Variants in LIN7A observed in about 807,000 individuals in gnomAD.
The protein encoded by LIN7A is protein lin-7 homolog A.
In LIN7A, 25 loss-of-function variants were observed where a neutral mutation model predicts 29.8. That is an observed-to-expected ratio of 0.84 (90% CI 0.61 to 1.17). The LOEUF is 1.17. Among genes scored for constraint, LIN7A ranks in the 50% most tolerant of loss-of-function variants. LIN7A has a pLI of 0.00. For synonymous variants in LIN7A, 118 were observed against 107.5 expected, an observed-to-expected ratio of 1.10 and a Z score of -0.60; for missense variants, 239 against 287.0, an observed-to-expected ratio of 0.83 and a Z score of 1.21.
chr12:80,896,745 C>T (rs545525273), intron 1 of LIN7A, among the ~76,000 whole-genome samples: 1 of 152,290 alleles, frequency 6.6e-6, no homozygotes, highest in South Asian at 2.1e-4. Context: ...TTTGGGACAA[C>T]ACTGAAGTGT....
chr12:80,879,380 ATTTG>A (rs1416550331), intron 2 of LIN7A, among the ~76,000 whole-genome samples: 1 of 152,092 alleles, frequency 6.6e-6, no homozygotes. Context: ...TCATTTATTT[ATTTG>A]TTTGCATTTG....
intron 2 of LIN7A, among the ~76,000 whole-genome samples, chr12:80,869,896 T>C (rs527910175): frequency 1.3e-5 from 2 of 152,292 alleles, no homozygotes; most frequent in East Asian, 3.9e-4. Context: ...ATACAAAATA[T>C]AAAATTATAG....
At position 80,794,819 on chromosome 12, in the gene LIN7A, C is replaced by T. The variant is rs1404543912; in HGVS notation, c.*2908G>A. ...GTAACTTAAGCTCATTATCTCCCTGCAGATGTTCTATTTCAAATGACAACA... is the reference window on the plus strand; with the variant it reads ...GTAACTTAAGCTCATTATCTCCCTGTAGATGTTCTATTTCAAATGACAACA... On this transcript the variant is annotated 3_prime_UTR_variant, in exon 6 of 6. Coordinates refer to ENST00000552864, the MANE Select transcript of LIN7A (RefSeq NM_004664.4). 6.6e-6 allele frequency: 1 copy of T among 152,132 alleles called. No homozygotes were observed. The highest frequency in any genetic ancestry group is 2.4e-5 in the African/African-American group (1 of 41,446). The allele number at this position is 152,132 out of a possible 1,614,324, so 9.4% of individuals were successfully genotyped here.
intron 1 of LIN7A, among the ~76,000 whole-genome samples, chr12:80,910,112 A>T (rs1300564738): frequency 1.3e-5 from 2 of 152,176 alleles, no homozygotes; most frequent in Non-Finnish European, 2.9e-5. Flanking sequence ...ATATTGTGTT[A>T]AATCTGACTC....
intron 1 of LIN7A, among the ~76,000 whole-genome samples, chr12:80,914,772 G>A (rs1192629480): frequency 6.6e-6 from 1 of 152,148 alleles, no homozygotes; most frequent in Non-Finnish European, 1.5e-5. Context: ...TCAGGATTGT[G>A]GCTCATGCCT....
chr12:80,820,331 A>G (rs907350176), intron 4 of LIN7A, among the ~76,000 whole-genome samples: 3 of 152,224 alleles, frequency 2.0e-5, no homozygotes, highest in African/African-American at 7.2e-5. Flanking sequence ...GCAGTTAGAA[A>G]TAGAAGAATT....
At chr12:80,858,637 A>G (rs1288391341) in intron 2 of LIN7A, among the ~76,000 whole-genome samples, 2 of 151,804 alleles carry the variant, frequency 1.3e-5, no homozygotes, top group African/African-American at 4.8e-5. Context: ...GGAAGATGTC[A>G]TTTTCAATTA....
chr12:80,827,231 C>CA (rs1249583230), intron 4 of LIN7A, among the ~76,000 whole-genome samples: 1 of 151,800 alleles, frequency 6.6e-6, no homozygotes, highest in Non-Finnish European at 1.5e-5. Context: ...ACTAAAAATA[C>CA]AAAAAATTAG....
chr12:80,934,043 C>T (rs1032681662), intron 1 of LIN7A, among the ~76,000 whole-genome samples: 1 of 152,148 alleles, frequency 6.6e-6, no homozygotes, highest in African/African-American at 2.4e-5. Context: ...TAAGCCCTTA[C>T]TTATCATCCA....
intron 5 of LIN7A, among the ~76,000 whole-genome samples, chr12:80,802,706 C>A (rs1281642011): frequency 6.7e-6 from 1 of 150,362 alleles, no homozygotes; most frequent in Non-Finnish European, 1.5e-5. Context: ...CACTATGTTG[C>A]CTAGGGTGGA....
chr12:80,804,399 T>C lies in LIN7A; in HGVS notation c.*1-6673A>G, dbSNP rs116897998. 3.3e-3 allele frequency among the ~76,000 whole-genome samples: 499 copies of C among 151,190 alleles called. 26 individuals are homozygous for C. The East Asian group carries it at 0.085, about 26-fold the overall frequency. On this transcript the variant is annotated intron_variant, in intron 5 of 5. Coordinates refer to ENST00000552864, the MANE Select transcript of LIN7A (RefSeq NM_004664.4). ...TATCCTTCCCAGCCTCTGGTAACCATCCTTCTACCCTCTATCTCCATGGGC... is the reference window on the plus strand; with the variant it reads ...TATCCTTCCCAGCCTCTGGTAACCACCCTTCTACCCTCTATCTCCATGGGC...
At chr12:80,932,733 A>C (rs1051313019) in intron 1 of LIN7A, among the ~76,000 whole-genome samples, 17 of 152,214 alleles carry the variant, frequency 1.1e-4, no homozygotes, top group Admixed American at 1.3e-4. Flanking sequence ...TGACCTTGAG[A>C]TGAAAAGTGA....
At chr12:80,837,519 G>A (rs1053308219) in intron 4 of LIN7A, among the ~76,000 whole-genome samples, 3 of 152,040 alleles carry the variant, frequency 2.0e-5, no homozygotes, top group African/African-American at 7.2e-5. Context: ...GAAGCTGAAG[G>A]GAGCAAGGAA....
chr12:80,851,706 T>C (rs1365300443), intron 2 of LIN7A, among the ~76,000 whole-genome samples: 2 of 152,142 alleles, frequency 1.3e-5, no homozygotes, highest in African/African-American at 2.4e-5. Context: ...ACGTGGGGCT[T>C]ATAGACTCCT....
At chr12:80,801,846 C>T (rs1870735707) in intron 5 of LIN7A, among the ~76,000 whole-genome samples, 1 of 151,856 alleles carries the variant, frequency 6.6e-6, no homozygotes, top group Admixed American at 6.6e-5. Flanking sequence ...GATCACCCTT[C>T]TCCTCTACCT....
chr12:80,884,577 C>G (rs141485563), intron 2 of LIN7A, among the ~76,000 whole-genome samples: 153 of 152,242 alleles, frequency 1.0e-3, no homozygotes, highest in African/African-American at 3.4e-3. Context: ...TTCTTCCACT[C>G]ACATGTGATT....
intron 1 of LIN7A, among the ~76,000 whole-genome samples, chr12:80,893,723 C>A (rs1875742955): frequency 6.6e-6 from 1 of 152,164 alleles, no homozygotes; most frequent in African/African-American, 2.4e-5. Context: ...GCATCTCTTT[C>A]CTCGTGGCAT....
At chr12:80,916,508 G>T (rs1442104867) in intron 1 of LIN7A, among the ~76,000 whole-genome samples, 1 of 152,142 alleles carries the variant, frequency 6.6e-6, no homozygotes, top group Non-Finnish European at 1.5e-5. Flanking sequence ...ACTGGGCCAT[G>T]CTTCTCCAAT....
intron 2 of LIN7A, among the ~76,000 whole-genome samples, chr12:80,867,680 A>G (rs1012302647): frequency 2.6e-5 from 4 of 152,208 alleles, no homozygotes; most frequent in Non-Finnish European, 4.4e-5. Flanking sequence ...CATCATGAAG[A>G]TGACAGGGTT....
Sources: gnomAD v4.1 joint callset for allele counts (sites outside exome capture counted in the v4.1 genomes callset) on GRCh38, gnomAD v4.1.1 for gene constraint, MANE v1.5 for transcripts, NCBI Gene and HGNC (gene_info 2026-07-23, HGNC 2026-07-21) for gene names.